The following SLC9B1 variants were observed in gnomAD, a reference collection of about 807,000 sequenced individuals.
The protein encoded by SLC9B1 is sodium/hydrogen exchanger 9B1.
Under a neutral mutation model 51.7 loss-of-function variants are expected in SLC9B1, and 32 were observed. That is an observed-to-expected ratio of 0.62 (90% CI 0.47 to 0.83). SLC9B1 has a LOEUF of 0.83. Ranked by LOEUF, SLC9B1 falls within the 40% of genes least tolerant of loss-of-function variation. The pLI is 0.00. For synonymous variants in SLC9B1, 145 were observed against 212.7 expected (o/e 0.68, Z 2.77); for missense variants, 406 against 613.2 (o/e 0.66, Z 3.57).
intron 6 of SLC9B1, among the ~76,000 whole-genome samples, chr4:102,942,981 G>GA (rs376780690): frequency 6.6e-6 from 1 of 151,746 alleles, no homozygotes; most frequent in Non-Finnish European, 1.5e-5. Flanking sequence ...AAATCAGCAA[G>GA]AAAAAACCAA....
chr4:102,945,178 T>C lies in SLC9B1; in HGVS notation c.653+15A>G. 6.4e-7 allele frequency: 1 copy of C among 1,555,546 alleles called. No homozygotes were observed. The highest frequency in any genetic ancestry group is 1.2e-5 in the South Asian group (1 of 80,996). ...AATTGAATATTTTCATAAGAAAAAA[T>C]GAGAAAGAAATTACCCTAATAGAAA... On this transcript the variant is annotated intron_variant, in intron 6 of 11. Transcript: ENST00000296422.
chr4:102,990,921 T>C (rs1011119837), intron 2 of SLC9B1, among the ~76,000 whole-genome samples: 3 of 152,116 alleles, frequency 2.0e-5, no homozygotes, highest in Non-Finnish European at 4.4e-5. Flanking sequence ...AGTTCTGGTA[T>C]AGAGGCAGGC....
downstream of SLC9B1, among the ~76,000 whole-genome samples, chr4:102,900,344 T>TA (rs1734727755): frequency 2.0e-5 from 3 of 152,254 alleles, no homozygotes; most frequent in African/African-American, 7.2e-5. Context: ...AATTCTATAT[T>TA]ACTAAGGAGA....
At chr4:102,904,233 T>C (rs751237838) in intron 11 of SLC9B1, among the ~76,000 whole-genome samples, 4 of 151,862 alleles carry the variant, frequency 2.6e-5, no homozygotes, top group Non-Finnish European at 5.9e-5. Context: ...AATTTTTTTG[T>C]ATTTTTTGTA....
chr4:102,969,659 G>A (rs370454271), intron 3 of SLC9B1, among the ~76,000 whole-genome samples: 10 of 152,186 alleles, frequency 6.6e-5, no homozygotes, highest in African/African-American at 2.2e-4. Flanking sequence ...ACAGAAGTAG[G>A]CTTTAGAAGG....
intron 3 of SLC9B1, among the ~76,000 whole-genome samples, chr4:102,951,960 C>CTTTTTTTTT (rs765709645): frequency 0.012 from 77 of 6,536 alleles, 22 homozygotes; most frequent in African/African-American, 0.032. Context: ...AAAATAAAAT[C>CTTTTTTTTT]TTTTTTTTTT....
chr4:102,997,027 C>T (rs1203547307), intron 1 of SLC9B1, among the ~76,000 whole-genome samples: 1 of 151,834 alleles, frequency 6.6e-6, no homozygotes, highest in Non-Finnish European at 1.5e-5. Context: ...CTCCTGAGCT[C>T]AAGCAATCCT....
chr4:102,980,318 C>T (rs1739287656), intron 3 of SLC9B1, among the ~76,000 whole-genome samples: 1 of 152,024 alleles, frequency 6.6e-6, no homozygotes. Flanking sequence ...CAGCACTATT[C>T]ACAATAAAAA....
intron 3 of SLC9B1, among the ~76,000 whole-genome samples, chr4:102,968,041 C>T (rs1450517117): frequency 2.6e-5 from 4 of 152,072 alleles, no homozygotes; most frequent in Middle Eastern, 3.4e-3. Context: ...CCTAGAATAG[C>T]CAAAAAAATC....
intron 3 of SLC9B1, among the ~76,000 whole-genome samples, chr4:102,975,994 G>C (rs1273737086): frequency 6.6e-6 from 1 of 152,032 alleles, no homozygotes; most frequent in African/African-American, 2.4e-5. Context: ...GTGATATTTG[G>C]TATTTAGAAG....
At chr4:102,971,019 A>G (rs1287261110) in intron 3 of SLC9B1, among the ~76,000 whole-genome samples, 1 of 152,212 alleles carries the variant, frequency 6.6e-6, no homozygotes, top group African/African-American at 2.4e-5. Context: ...AGAGACCTAG[A>G]CATCCACACA....
At chr4:102,896,297 C>T (rs1183730936), downstream of SLC9B1, among the ~76,000 whole-genome samples, 1 of 152,148 alleles carries the variant, frequency 6.6e-6, no homozygotes, top group Admixed American at 6.5e-5. Context: ...AGGCCTTCCC[C>T]AGGATACAAA....
intron 1 of SLC9B1, among the ~76,000 whole-genome samples, chr4:102,995,658 C>A (rs1053474276): frequency 5.9e-5 from 9 of 152,034 alleles, no homozygotes; most frequent in Admixed American, 5.9e-4. Flanking sequence ...TATATATCTG[C>A]CAAGAGTGGA....
chr4:102,907,555 C>T (rs1344311062), intron 9 of SLC9B1, among the ~76,000 whole-genome samples: 1 of 152,258 alleles, frequency 6.6e-6, no homozygotes. Context: ...TTTCTGGAAA[C>T]GAATGCCTCC....
rs372969898 is a variant in SLC9B1 at position 102,940,889 on chromosome 4, C to T, written c.653+4304G>A. 9.9e-5 allele frequency among the ~76,000 whole-genome samples: 15 copies of T among 152,184 alleles called. No homozygotes were observed. The East Asian group carries it at 2.7e-3, about 27-fold the overall frequency. On this transcript the variant is annotated intron_variant, in intron 6 of 11. Coordinates refer to ENST00000296422, the MANE Select transcript of SLC9B1 (RefSeq NM_139173.4). ...AGCAATGGGGAAAGGAATCCCTACTCGGAAATTGTGCTGGGATAACTGGCT... is the reference window on the plus strand; with the variant it reads ...AGCAATGGGGAAAGGAATCCCTACTTGGAAATTGTGCTGGGATAACTGGCT...
At chr4:102,920,459 G>A (rs1468785583) in intron 7 of SLC9B1, among the ~76,000 whole-genome samples, 4 of 152,320 alleles carry the variant, frequency 2.6e-5, no homozygotes, top group African/African-American at 9.6e-5. Context: ...GGATAAACCA[G>A]AGCAGAAAAG....
At chr4:102,970,034 G>A (rs1197616642) in intron 3 of SLC9B1, among the ~76,000 whole-genome samples, 1 of 152,160 alleles carries the variant, frequency 6.6e-6, no homozygotes, top group African/African-American at 2.4e-5. Context: ...AAAGTGATGG[G>A]GAGAATGGAA....
chr4:102,885,122 A>C (rs1303607389), exon 12 of SLC9B1: 1 of 1,027,302 alleles, frequency 9.7e-7, no homozygotes, highest in Admixed American at 1.8e-5. Context: ...TAATGTAAAA[A>C]GTAACAAAGA....
At chr4:102,955,337 C>G (rs1157059244) in intron 3 of SLC9B1, among the ~76,000 whole-genome samples, 3 of 152,214 alleles carry the variant, frequency 2.0e-5, no homozygotes, top group Non-Finnish European at 2.9e-5. Context: ...CCATCTGGAA[C>G]TATAAGTCCA....
Sources: gnomAD v4.1 joint callset for allele counts (sites outside exome capture counted in the v4.1 genomes callset) on GRCh38, gnomAD v4.1.1 for gene constraint, MANE v1.5 for transcripts, NCBI Gene and HGNC (gene_info 2026-07-23, HGNC 2026-07-21) for gene names.